Variants in ZNF136 observed in about 807,000 individuals in gnomAD.
ZNF136 encodes the protein zinc finger protein 136 (clone pHZ-20).
Under a neutral mutation model 11.4 loss-of-function variants are expected in ZNF136, and 8 were observed. The observed-to-expected ratio is 0.70, with a 90% CI of 0.41 to 1.27. The LOEUF (loss-of-function observed/expected upper bound fraction) is 1.27, where lower values mean the gene tolerates loss of function less well. Ranked by LOEUF, ZNF136 falls within the 50% of genes most tolerant of loss-of-function variation. The pLI is 0.01. For synonymous variants in ZNF136, 190 were observed against 207.1 expected, an observed-to-expected ratio of 0.92 and a Z score of 0.71; for missense variants, 590 against 656.5, an observed-to-expected ratio of 0.90 and a Z score of 1.11.
At chr19:12,168,288 G>A (rs1244768433) in intron 1 of ZNF136, among the ~76,000 whole-genome samples, 1 of 151,746 alleles carries the variant, frequency 6.6e-6, no homozygotes, top group Non-Finnish European at 1.5e-5. Flanking sequence ...TAGCCAGGCT[G>A]GTCTCCAATT....
At chr19:12,169,175 G>T (rs907391845) in intron 1 of ZNF136, 3 of 152,348 alleles carry the variant, frequency 2.0e-5, no homozygotes, top group African/African-American at 7.2e-5. Context: ...CCCTGGACTT[G>T]TGGGGTCTGG....
intron 1 of ZNF136, among the ~76,000 whole-genome samples, chr19:12,183,504 GA>G (rs1914997663): frequency 6.6e-6 from 1 of 152,112 alleles, no homozygotes; most frequent in African/African-American, 2.4e-5. Context: ...AAAAAGCTCA[GA>G]GAAATAGGGA....
chr19:12,184,399 A>C (rs1915030418), intron 1 of ZNF136, among the ~76,000 whole-genome samples: 1 of 152,098 alleles, frequency 6.6e-6, no homozygotes, highest in Admixed American at 6.5e-5. Flanking sequence ...TCTGTACTAA[A>C]AAATACAAAA....
At chr19:12,179,581 G>A (rs1914889763) in intron 1 of ZNF136, among the ~76,000 whole-genome samples, 1 of 152,126 alleles carries the variant, frequency 6.6e-6, no homozygotes, top group Non-Finnish European at 1.5e-5. Context: ...AAAGTGCTGG[G>A]ATTACAGGCG....
chr19:12,170,212 G>C (rs1310165383), intron 1 of ZNF136, among the ~76,000 whole-genome samples: 3 of 152,108 alleles, frequency 2.0e-5, no homozygotes, highest in African/African-American at 7.2e-5. Flanking sequence ...ACAGGCGTGA[G>C]CCACCGCGCC....
At chr19:12,170,745 C>T (rs1256178811) in intron 1 of ZNF136, among the ~76,000 whole-genome samples, 3 of 151,872 alleles carry the variant, frequency 2.0e-5, no homozygotes, top group Non-Finnish European at 2.9e-5. Flanking sequence ...TCTCAGCTCA[C>T]TGCAACCTCT....
At chr19:12,170,386 T>A (rs1220716810) in intron 1 of ZNF136, among the ~76,000 whole-genome samples, 2 of 151,736 alleles carry the variant, frequency 1.3e-5, no homozygotes, top group African/African-American at 2.4e-5. Context: ...TAATGCTTCA[T>A]AAACTTCTTT....
rs1341421723 is a variant in ZNF136, at chr19:12,188,640, G to A, written c.*639G>A. The A allele has an allele frequency of 6.6e-6, 1 of 152,144 alleles. No individual in the cohort carries two copies. Among genetic ancestry groups the A allele is most frequent in the Admixed American group, 6.5e-5 (1 of 15,268 alleles). 9.4% of individuals were successfully genotyped at this position (152,144 alleles called of 1,614,324 possible). A position where few individuals can be genotyped will look rare whatever the true frequency, so the allele number is the denominator to read the frequency against. On this transcript the variant is annotated 3_prime_UTR_variant, in exon 4 of 4. Coordinates refer to ENST00000343979, the MANE Select transcript of ZNF136 (RefSeq NM_003437.5). ...TTTCAATCCCAGCAGGGCCTCACTA[G>A]TTGAGGTATTGAATTTGAACAGATG... is the stretch of plus-strand genomic sequence containing the variant.
chr19:12,164,829 C>T (rs892303597), intron 1 of ZNF136: 4 of 152,234 alleles, frequency 2.6e-5, no homozygotes, highest in Non-Finnish European at 5.9e-5. Context: ...CACCTTCTAA[C>T]TCCCTGAAGC....
intron 1 of ZNF136, among the ~76,000 whole-genome samples, chr19:12,172,469 T>G (rs1190978736): frequency 1.3e-5 from 2 of 152,206 alleles, no homozygotes; most frequent in Non-Finnish European, 2.9e-5. Context: ...TTGTTTATAC[T>G]TGCTCTGTAC....
At chr19:12,177,412 G>A (rs190812645) in intron 1 of ZNF136, among the ~76,000 whole-genome samples, 2 of 152,288 alleles carry the variant, frequency 1.3e-5, no homozygotes, top group African/African-American at 4.8e-5. Flanking sequence ...GCGCGATCTC[G>A]GCTCACTACA....
chr19:12,181,255 G>A (rs938727986), intron 1 of ZNF136, among the ~76,000 whole-genome samples: 1 of 152,120 alleles, frequency 6.6e-6, no homozygotes, highest in Non-Finnish European at 1.5e-5. Flanking sequence ...AGGGGCCCAG[G>A]CCTCCTCGCC....
Position 12,186,822 on chromosome 19 carries a change from C to G in ZNF136, c.444C>G (p.Pro148=). The G allele has an allele frequency of 6.2e-7, 1 of 1,614,138 alleles. No homozygotes were observed. The highest frequency in any genetic ancestry group is 8.5e-7 in the Non-Finnish European group (1 of 1,180,010). The change falls in exon 4 of 4, where the codon CCC becomes CCG. Residue 148 remains proline (P), a synonymous_variant. Transcript: ENST00000343979. The part of the protein sequence containing the change: ...KPDTRNQCWK[P]FSSHHSFRTH... ...ATACACGTAACCAGTGTTGGAAACCCTTCAGTTCTCACCACTCCTTTCGAA... is the reference window on the plus strand; with the variant it reads ...ATACACGTAACCAGTGTTGGAAACCGTTCAGTTCTCACCACTCCTTTCGAA...
intron 1 of ZNF136, among the ~76,000 whole-genome samples, chr19:12,181,911 A>G (rs1350075892): frequency 2.0e-5 from 3 of 152,152 alleles, no homozygotes; most frequent in Non-Finnish European, 4.4e-5. Flanking sequence ...CTGGGATTAC[A>G]GGTGTGAGCC....
intron 1 of ZNF136, among the ~76,000 whole-genome samples, chr19:12,179,909 G>A (rs537235959): frequency 6.6e-6 from 1 of 151,188 alleles, no homozygotes. Flanking sequence ...TCTGTTGCCC[G>A]GGCTGGAGTG....
intron 1 of ZNF136, among the ~76,000 whole-genome samples, chr19:12,179,101 A>T (rs1914873821): frequency 6.6e-6 from 1 of 152,034 alleles, no homozygotes; most frequent in Non-Finnish European, 1.5e-5. Context: ...TTTCATGCTC[A>T]TGTAGTCACA....
rs550576556 is a variant in ZNF136, at chr19:12,175,410, G to C, written c.4-10375G>C. Among the ~76,000 whole-genome samples the C allele has an allele frequency of 5.3e-5, 8 of 152,006 alleles. 1 individual carries two copies. The highest frequency in any genetic ancestry group is 5.2e-4 in the Admixed American group (8 of 15,258). ...GGGTTTTGCCATGTTGGCCAGGCTCGTCTCAAACTCCTGACCTCAGGTGAT... is the reference window on the plus strand; with the variant it reads ...GGGTTTTGCCATGTTGGCCAGGCTCCTCTCAAACTCCTGACCTCAGGTGAT... On this transcript the variant is annotated intron_variant, in intron 1 of 3. Transcript: ENST00000343979.
At position 12,187,386 on chromosome 19, in the gene ZNF136, C is replaced by A. The variant is rs765704665; in HGVS notation, c.1008C>A (p.Phe336Leu). 6.2e-7 allele frequency: 1 copy of A among 1,612,274 alleles called. No homozygotes were observed. The highest frequency in any genetic ancestry group is 8.5e-7 in the Non-Finnish European group (1 of 1,179,486). Residue 336 changes from phenylalanine to leucine, a missense_variant, in exon 4 of 4, where the codon TTC (phenylalanine) becomes TTA (leucine). Physicochemically the swap from Phe to Leu is conservative, Grantham distance 22. Transcript: ENST00000343979. The stretch of plus-strand genomic sequence containing the variant: ...GAATTCACACTGGTGAGAAACCCTT[C>A]GTATGTAAACAATGTGGTAAAGCCT... Reference protein sequence around the residue: ...HERIHTGEKPFVCKQCGKAFR... With the variant: ...HERIHTGEKPLVCKQCGKAFR...
At chr19:12,168,036 A>ATT in intron 1 of ZNF136, among the ~76,000 whole-genome samples, 1 of 58,824 alleles carries the variant, frequency 1.7e-5, no homozygotes, top group Non-Finnish European at 3.8e-5. Flanking sequence ...ACAAATGCCC[A>ATT]TTTTTTTTTC....
Sources: allele counts gnomAD v4.1 joint callset (sites outside exome capture counted in the v4.1 genomes callset), GRCh38; gene constraint gnomAD v4.1.1; transcripts MANE v1.5; gene names NCBI Gene and HGNC (gene_info 2026-07-23, HGNC 2026-07-21).